Variants in CUL3 observed in about 807,000 individuals in gnomAD.
CUL3 encodes cullin 3, also known as cullin-3.
A neutral mutation model predicts 89.1 loss-of-function variants in CUL3; 19 were observed. The ratio of observed to expected loss-of-function variants is 0.21; its 90% CI spans 0.15 to 0.31. The LOEUF (loss-of-function observed/expected upper bound fraction) is 0.31. Ranked by LOEUF, CUL3 falls within the 10% of genes least tolerant of loss-of-function variation. CUL3 has a pLI of 1.00. For synonymous variants in CUL3, 351 were observed against 308.4 expected, an observed-to-expected ratio of 1.14 and a Z score of -1.45; for missense variants, 469 against 942.3, an observed-to-expected ratio of 0.50 and a Z score of 6.58.
At chr2:224,576,773 G>A (rs1002604472) in intron 1 of CUL3, among the ~76,000 whole-genome samples, 4 of 151,910 alleles carry the variant, frequency 2.6e-5, no homozygotes, top group East Asian at 3.9e-4. Flanking sequence ...CACATTTAAC[G>A]TACATATTAT....
chr2:224,492,305 T>C (rs1419243929), intron 13 of CUL3, among the ~76,000 whole-genome samples: 1 of 152,210 alleles, frequency 6.6e-6, no homozygotes, highest in East Asian at 1.9e-4. Flanking sequence ...AGTTGTCTAC[T>C]TTCCCTTGTA....
Position 224,523,900 on chromosome 2 carries a change from G to C in CUL3, c.379-9128C>G, listed in dbSNP as rs536972938. ...GAAGGTAGAATGGTAGCTGGCAGAG[G>C]CTTGGTGGAGGGGAAAATGGAAAGT... On this transcript the variant is annotated intron_variant, in intron 3 of 15. Transcript: ENST00000264414. 2.8e-4 allele frequency among the ~76,000 whole-genome samples: 43 copies of C among 152,014 alleles called. 1 individual carries two copies. The highest frequency in any genetic ancestry group is 3.9e-4 in the Admixed American group (6 of 15,256).
chr2:224,543,736 ACT>A (rs1295758545), intron 2 of CUL3, among the ~76,000 whole-genome samples: 1 of 152,108 alleles, frequency 6.6e-6, no homozygotes, highest in African/African-American at 2.4e-5. Flanking sequence ...TAATCCCAGC[ACT>A]CTGTGAGGTT....
chr2:224,546,955 T>C (rs926294830), intron 2 of CUL3, among the ~76,000 whole-genome samples: 2 of 152,148 alleles, frequency 1.3e-5, no homozygotes, highest in African/African-American at 4.8e-5. Context: ...ACTATCCCCA[T>C]ATCATACCCA....
At position 224,557,652 on chromosome 2, in the gene CUL3, T is replaced by C. The variant is rs763450936; in HGVS notation, c.264+7A>G. Reference sequence around the variant, plus strand: ...AGTATTAGCAACAGTCCTTTAAAGTTTGATACCTTATTTATGAGATGTTCG... The same window carrying C: ...AGTATTAGCAACAGTCCTTTAAAGTCTGATACCTTATTTATGAGATGTTCG... On this transcript the variant is annotated splice_region_variant and intron_variant, in intron 2 of 15. Coordinates refer to ENST00000264414, the MANE Select transcript of CUL3 (RefSeq NM_003590.5). 10 of 1,590,980 alleles carry C rather than the reference T, an allele frequency of 6.3e-6. No individual in the cohort carries two copies. The South Asian group carries it at 7.7e-5, about 12-fold the overall frequency.
chr2:224,500,194 A>C, intron 11 of CUL3, 169 bp downstream of exon 11: 1 of 649,828 alleles, frequency 1.5e-6, no homozygotes, highest in Non-Finnish European at 2.5e-6. Context: ...TTACTCATCA[A>C]GATCCTATAG....
At chr2:224,475,184 A>C (rs1188108160) in intron 15 of CUL3, among the ~76,000 whole-genome samples, 1 of 151,890 alleles carries the variant, frequency 6.6e-6, no homozygotes, top group Non-Finnish European at 1.5e-5. Flanking sequence ...CACCCGGCTA[A>C]TTTTTTGTAC....
chr2:224,570,319 A>T (rs547970464), intron 1 of CUL3, among the ~76,000 whole-genome samples: 2 of 152,236 alleles, frequency 1.3e-5, no homozygotes, highest in Non-Finnish European at 2.9e-5. Flanking sequence ...GCTTTGAGAA[A>T]AACAGCCCAG....
intron 1 of CUL3, among the ~76,000 whole-genome samples, chr2:224,561,042 TGAA>T (rs897046070): frequency 2.0e-5 from 3 of 152,170 alleles, no homozygotes; most frequent in Non-Finnish European, 4.4e-5. Context: ...CATCTTACAG[TGAA>T]GTTTTAAATG....
At chr2:224,524,989 T>A (rs1299164413) in intron 3 of CUL3, among the ~76,000 whole-genome samples, 2 of 132,782 alleles carry the variant, frequency 1.5e-5, no homozygotes, top group Admixed American at 7.6e-5. Flanking sequence ...GTGGGGGTAA[T>A]AAAATACACT....
intron 14 of CUL3, among the ~76,000 whole-genome samples, chr2:224,480,960 C>T (rs559093908): frequency 1.8e-3 from 274 of 152,200 alleles, no homozygotes; most frequent in Non-Finnish European, 2.8e-3. Context: ...GCCAGAGACA[C>T]TACTCTGTTC....
At chr2:224,540,346 C>T (rs1694056975) in intron 2 of CUL3, among the ~76,000 whole-genome samples, 1 of 151,766 alleles carries the variant, frequency 6.6e-6, no homozygotes, top group Non-Finnish European at 1.5e-5. Flanking sequence ...TGTGTCCAGC[C>T]TCTCCACTGA....
chr2:224,524,800 C>T (rs1403814135), intron 3 of CUL3, among the ~76,000 whole-genome samples: 1 of 151,872 alleles, frequency 6.6e-6, no homozygotes, highest in Non-Finnish European at 1.5e-5. Context: ...CAAAACAAAA[C>T]AAAAACAACC....
Position 224,581,647 on chromosome 2 carries a change from C to T in CUL3, c.66+3297G>A, listed in dbSNP as rs943107827. Among the ~76,000 whole-genome samples, 7 of 151,144 alleles carry T rather than the reference C, an allele frequency of 4.6e-5. No homozygotes were observed. The South Asian group carries it at 1.3e-3, about 27-fold the overall frequency. On this transcript the variant is annotated intron_variant, in intron 1 of 15. Coordinates refer to ENST00000264414, the MANE Select transcript of CUL3 (RefSeq NM_003590.5). ...CCTCCCGAGCAGCTGGAATTATAGGCGTGTATCACCACACCTGGCAAATTT... is the reference window on the plus strand; with the variant it reads ...CCTCCCGAGCAGCTGGAATTATAGGTGTGTATCACCACACCTGGCAAATTT...
intron 2 of CUL3, among the ~76,000 whole-genome samples, chr2:224,548,536 A>AT (rs1272986265): frequency 6.6e-6 from 1 of 152,166 alleles, no homozygotes; most frequent in African/African-American, 2.4e-5. Flanking sequence ...AAGTTCAATA[A>AT]TTTTTATAGG....
intron 2 of CUL3, among the ~76,000 whole-genome samples, chr2:224,543,233 C>CA (rs1189002625): frequency 6.6e-6 from 1 of 152,144 alleles, no homozygotes. Context: ...CCTTGGTAAA[C>CA]AAGTCTCCAA....
At chr2:224,529,149 T>C (rs1478214540) in intron 3 of CUL3, among the ~76,000 whole-genome samples, 2 of 152,124 alleles carry the variant, frequency 1.3e-5, no homozygotes, top group Non-Finnish European at 2.9e-5. Flanking sequence ...TATTAATAAA[T>C]ACTTATGGAT....
chr2:224,576,766 A>AT (rs1695310233), intron 1 of CUL3, among the ~76,000 whole-genome samples: 1 of 152,110 alleles, frequency 6.6e-6, no homozygotes. Context: ...TTAGATGCAC[A>AT]TTTAACGTAC....
chr2:224,523,078 GC>G (rs1231819471), intron 3 of CUL3, among the ~76,000 whole-genome samples: 1 of 152,154 alleles, frequency 6.6e-6, no homozygotes, highest in Non-Finnish European at 1.5e-5. Flanking sequence ...AGGTCTTAGA[GC>G]AATGAATTTA....
Sources: allele counts gnomAD v4.1 joint callset (sites outside exome capture counted in the v4.1 genomes callset), GRCh38; gene constraint gnomAD v4.1.1; transcripts MANE v1.5; gene names NCBI Gene and HGNC (gene_info 2026-07-23, HGNC 2026-07-21).